CCNY: variants seen among roughly 807,000 people sequenced by gnomAD.
CCNY encodes the protein cyclin Y.
In CCNY, 19 loss-of-function variants were observed where a neutral mutation model predicts 42.8. The observed-to-expected ratio is 0.44, with a 90% CI of 0.31 to 0.65. The LOEUF (loss-of-function observed/expected upper bound fraction) is 0.65, where lower values mean the gene tolerates loss of function less well. Among genes scored for constraint, CCNY ranks in the 30% least tolerant of loss-of-function variants. The probability of loss-of-function intolerance (pLI) is 0.07; values close to 1 mark genes in which losing one functional copy is unlikely to be tolerated. For missense variants in CCNY, 370 were observed against 437.3 expected (o/e 0.85, Z 1.37); for synonymous variants, 165 against 162.7 (o/e 1.01, Z -0.11).
chr10:35,451,736 C>G (rs527786315), intron 1 of CCNY, among the ~76,000 whole-genome samples: 6 of 152,218 alleles, frequency 3.9e-5, no homozygotes, highest in Non-Finnish European at 8.8e-5. Context: ...GCCTGTTAAC[C>G]AGGGCAGGCT....
intron 1 of CCNY, among the ~76,000 whole-genome samples, chr10:35,451,342 G>C (rs1176340678): frequency 6.6e-6 from 1 of 152,198 alleles, no homozygotes; most frequent in East Asian, 1.9e-4. Flanking sequence ...AGCAGAACTT[G>C]CTGTATTATC....
At chr10:35,477,008 C>A (rs1839527663) in intron 1 of CCNY, among the ~76,000 whole-genome samples, 2 of 152,266 alleles carry the variant, frequency 1.3e-5, no homozygotes, top group South Asian at 4.1e-4. Flanking sequence ...ACTACAAACA[C>A]CTCTATGCAA....
intron 3 of CCNY, among the ~76,000 whole-genome samples, chr10:35,307,818 AT>A (rs1241404700): frequency 0.32 from 30,254 of 94,824 alleles, 4,823 homozygotes; most frequent in Non-Finnish European, 0.37. Flanking sequence ...ATATATATAT[AT>A]TTTTTTTTTT....
At chr10:35,493,179 C>G (rs1159949847) in intron 2 of CCNY, among the ~76,000 whole-genome samples, 1 of 152,158 alleles carries the variant, frequency 6.6e-6, no homozygotes, top group Non-Finnish European at 1.5e-5. Flanking sequence ...CATTTAGACC[C>G]AGAATGTCAG....
chr10:35,335,734 G>A (rs1016485079), upstream of CCNY, among the ~76,000 whole-genome samples: 24 of 151,514 alleles, frequency 1.6e-4, no homozygotes, highest in African/African-American at 5.8e-4. Flanking sequence ...ACCTTAGCCT[G>A]GCTTAGTGGC....
At chr10:35,482,981 A>G (rs1300912707) in intron 1 of CCNY, among the ~76,000 whole-genome samples, 1 of 152,172 alleles carries the variant, frequency 6.6e-6, no homozygotes, top group Non-Finnish European at 1.5e-5. Flanking sequence ...GTGGATGCTG[A>G]TTCGCCCTAA....
intron 5 of CCNY, among the ~76,000 whole-genome samples, chr10:35,527,563 G>A (rs111935662): frequency 6.6e-6 from 1 of 152,166 alleles, no homozygotes; most frequent in African/African-American, 2.4e-5. Flanking sequence ...GAGGCACAGA[G>A]AGATTAATTT....
At chr10:35,348,767 C>T (rs1421146163) in intron 1 of CCNY, among the ~76,000 whole-genome samples, 4 of 152,116 alleles carry the variant, frequency 2.6e-5, no homozygotes, top group Admixed American at 2.0e-4. Flanking sequence ...GAGAATGGTT[C>T]GGGCTGGACA....
intron 8 of CCNY, among the ~76,000 whole-genome samples, chr10:35,559,166 G>T (rs2135457751): frequency 6.6e-6 from 1 of 152,356 alleles, no homozygotes; most frequent in African/African-American, 2.4e-5. Context: ...TTGGCAATAT[G>T]AATGTCCAAG....
intron 9 of CCNY, 61 bp from the exon 10 acceptor site, chr10:35,568,993 G>T: frequency 9.0e-7 from 1 of 1,111,946 alleles, no homozygotes; most frequent in Non-Finnish European, 1.4e-6. Flanking sequence ...CGCCCAGGAC[G>T]AGTGAGCAAT....
At chr10:35,553,775 C>T (rs1841308261) in intron 8 of CCNY, among the ~76,000 whole-genome samples, 1 of 152,024 alleles carries the variant, frequency 6.6e-6, no homozygotes, top group South Asian at 2.1e-4. Flanking sequence ...TGAGAGCTGT[C>T]CACTCCCCTC....
At chr10:35,437,093 G>A (rs1164848777) in intron 1 of CCNY, among the ~76,000 whole-genome samples, 1 of 152,180 alleles carries the variant, frequency 6.6e-6, no homozygotes, top group Admixed American at 6.5e-5. Flanking sequence ...TCACTATCAT[G>A]AGAACAGTAT....
At chr10:35,382,509 C>T (rs1162961839) in intron 1 of CCNY, among the ~76,000 whole-genome samples, 3 of 152,170 alleles carry the variant, frequency 2.0e-5, no homozygotes, top group Non-Finnish European at 4.4e-5. Context: ...TGATTTTGCC[C>T]CCAGGGCACA....
intron 2 of CCNY, among the ~76,000 whole-genome samples, chr10:35,485,318 C>T (rs757338841): frequency 5.9e-5 from 9 of 152,214 alleles, no homozygotes; most frequent in East Asian, 1.9e-4. Flanking sequence ...CCAAGAATTC[C>T]GTGCTTTTTA....
At chr10:35,278,821 G>A (rs1465209913) in intron 3 of CCNY, among the ~76,000 whole-genome samples, 1 of 152,160 alleles carries the variant, frequency 6.6e-6, no homozygotes, top group Admixed American at 6.6e-5. Flanking sequence ...CCAGGAGCCA[G>A]GGGCTGGGTG....
chr10:35,327,142 A>G (rs1835889642), intron 3 of CCNY, among the ~76,000 whole-genome samples: 1 of 152,206 alleles, frequency 6.6e-6, no homozygotes, highest in Non-Finnish European at 1.5e-5. Flanking sequence ...TATTTCTTTT[A>G]AAAAAGATAA....
At chr10:35,534,703 C>A (rs968355322) in intron 7 of CCNY, among the ~76,000 whole-genome samples, 24 of 152,032 alleles carry the variant, frequency 1.6e-4, no homozygotes, top group Non-Finnish European at 7.4e-5. Context: ...ATATTCCCTT[C>A]ACCCCATAGA....
chr10:35,568,666 G>A (rs1841620925), intron 9 of CCNY, among the ~76,000 whole-genome samples: 1 of 152,322 alleles, frequency 6.6e-6, no homozygotes, highest in East Asian at 1.9e-4. Flanking sequence ...CTTCATGCCA[G>A]CCCTGCCAGG....
At chr10:35,554,164 T>C (rs905000042) in intron 8 of CCNY, among the ~76,000 whole-genome samples, 1 of 152,078 alleles carries the variant, frequency 6.6e-6, no homozygotes, top group African/African-American at 2.4e-5. Flanking sequence ...CAACTACCAC[T>C]GCAGGGGTGT....
Sources: allele counts gnomAD v4.1 joint callset (sites outside exome capture counted in the v4.1 genomes callset), GRCh38; gene constraint gnomAD v4.1.1; transcripts MANE v1.5; gene names NCBI Gene and HGNC (gene_info 2026-07-23, HGNC 2026-07-21).